The following G3BP1 variants were observed in gnomAD, a reference collection of about 807,000 sequenced individuals.
G3BP1 encodes the protein ras GTPase-activating protein-binding protein 1.
G3BP1 carries 35 observed loss-of-function variants against 58.6 expected under a neutral mutation model. The ratio of observed to expected loss-of-function variants is 0.60; its 90% confidence interval spans 0.46 to 0.79. The LOEUF is 0.79. Ranked by LOEUF, G3BP1 falls within the 30% of genes least tolerant of loss-of-function variation. The probability of loss-of-function intolerance (pLI) is 0.00; values close to 1 mark genes in which losing one functional copy is unlikely to be tolerated. For missense variants in G3BP1, 523 were observed against 580.8 expected (o/e 0.90, Z 1.02); for synonymous variants, 191 against 195.4 (o/e 0.98, Z 0.19).
chr5:151,772,724 G>A (rs1347426048), intron 1 of G3BP1: 1 of 152,288 alleles, frequency 6.6e-6, no homozygotes, highest in Admixed American at 6.5e-5. Flanking sequence ...TGGAGAGCGG[G>A]GTCACAGGCA....
rs1762948906 is a variant in G3BP1, at chr5:151,807,150, T to C, written c.*3059T>C. 6.6e-6 allele frequency: 1 copy of C among 152,238 alleles called. No homozygotes were observed. Among genetic ancestry groups the C allele is most frequent in the Non-Finnish European group, 1.5e-5 (1 of 68,046 alleles). The allele number at this position is 152,238 out of a possible 1,614,324, so 9.4% of individuals were successfully genotyped here. On this transcript the variant is annotated 3_prime_UTR_variant, in exon 12 of 12. Transcript: ENST00000356245. ...ATAATAATTTGACTTTGGTTGAGTA[T>C]GTCATTACCACAGTGTTAGTTGAAT...
Position 151,810,748 on chromosome 5 carries a change from G to A in G3BP1, c.*6657G>A, listed in dbSNP as rs1258824314. ...TATATTTCTGTTTTCATTCCCAAGG[G>A]AGGCCATGTCTGGAGATAGACCTTG... On this transcript the variant is annotated 3_prime_UTR_variant, in exon 12 of 12. Transcript: ENST00000356245. 2.6e-5 allele frequency: 4 copies of A among 152,090 alleles called. No individual in the cohort carries two copies. Among genetic ancestry groups the A allele is most frequent in the Non-Finnish European group, 5.9e-5 (4 of 68,042 alleles). 9.4% of individuals were successfully genotyped at this position (152,090 alleles called of 1,614,324 possible).
rs561978002 is a variant in G3BP1, at chr5:151,794,297, G to T, written c.442+48G>T. On this transcript the variant is annotated intron_variant, in intron 5 of 11. Transcript: ENST00000356245. Reference sequence around the variant, plus strand: ...TTACTTGTCTAAATTTTTTTTAATGGCATCCGATTGCCCTTAAGAGACTAT... The same window carrying T: ...TTACTTGTCTAAATTTTTTTTAATGTCATCCGATTGCCCTTAAGAGACTAT... 5.5e-4 allele frequency: 536 copies of T among 981,068 alleles called. 7 individuals carry two copies. In the South Asian group the frequency reaches 6.7e-3, roughly 12 times the overall value. 60.8% of individuals were successfully genotyped at this position (981,068 alleles called of 1,614,324 possible).
chr5:151,786,790 C>A, intron 2 of G3BP1, 75 bp downstream of exon 2: 1 of 892,266 alleles, frequency 1.1e-6, no homozygotes, highest in South Asian at 1.3e-5. Context: ...TTCTCCCACT[C>A]ATCATCTTAT....
chr5:151,789,777 C>T (rs539218713), intron 2 of G3BP1, among the ~76,000 whole-genome samples: 3 of 152,292 alleles, frequency 2.0e-5, no homozygotes, highest in South Asian at 2.1e-4. Context: ...ACAGTATCAT[C>T]CTACACTGAA....
intron 6 of G3BP1, among the ~76,000 whole-genome samples, chr5:151,796,949 T>C (rs1369782371): frequency 7.3e-6 from 1 of 136,568 alleles, no homozygotes; most frequent in African/African-American, 2.8e-5. Context: ...TGAATTGTAA[T>C]AGTTGTGGGA....
At chr5:151,793,953 G>GC (rs780757868) in intron 4 of G3BP1, among the ~76,000 whole-genome samples, 1 of 152,050 alleles carries the variant, frequency 6.6e-6, no homozygotes, top group Non-Finnish European at 1.5e-5. Flanking sequence ...TGTCAAGGCT[G>GC]CAGTGAGCTG....
At chr5:151,795,412 T>G in intron 5 of G3BP1, 67 bp from the exon 6 acceptor site, 1 of 797,836 alleles carries the variant, frequency 1.3e-6, no homozygotes, top group East Asian at 2.5e-5. Flanking sequence ...TTGTGAACAT[T>G]GCGAAAGTTA....
At chr5:151,776,842 C>A (rs1357003563) in intron 1 of G3BP1, among the ~76,000 whole-genome samples, 2 of 150,580 alleles carry the variant, frequency 1.3e-5, no homozygotes, top group South Asian at 4.2e-4. Flanking sequence ...GCTGGGATTA[C>A]AGGTGTGAGC....
rs1044550913 is a variant in G3BP1 at position 151,809,810 on chromosome 5, C to A, written c.*5719C>A. On this transcript the variant is annotated 3_prime_UTR_variant, in exon 12 of 12. Coordinates refer to ENST00000356245, the MANE Select transcript of G3BP1 (RefSeq NM_005754.3). ...CACTTTTTGTATGTTCACCCAGTTG[C>A]TTCTGTAGTTTTCATACCCCTGTTT... 1 of 152,192 alleles carries A rather than the reference C, an allele frequency of 6.6e-6. No individual in the cohort carries two copies. Among genetic ancestry groups the A allele is most frequent in the African/African-American group, 2.4e-5 (1 of 41,442 alleles). 9.4% of individuals were successfully genotyped at this position (152,192 alleles called of 1,614,324 possible).
rs919377260 is a variant in G3BP1, at chr5:151,808,876, G to A, written c.*4785G>A. On this transcript the variant is annotated 3_prime_UTR_variant, in exon 12 of 12. Coordinates refer to ENST00000356245, the MANE Select transcript of G3BP1 (RefSeq NM_005754.3). ...GATAGAAACAGTTTTAACTATTGCT[G>A]AAGTTAAAATCACTTTGGGGTGGGG... is the stretch of plus-strand genomic sequence containing the variant. 2.0e-5 allele frequency: 3 copies of A among 152,162 alleles called. No individual in the cohort carries two copies. The highest frequency in any genetic ancestry group is 7.2e-5 in the African/African-American group (3 of 41,436). 9.4% of individuals were successfully genotyped at this position (152,162 alleles called of 1,614,324 possible). A position where few individuals can be genotyped will look rare whatever the true frequency, so the allele number is the denominator to read the frequency against.
At chr5:151,787,683 G>T in intron 2 of G3BP1, 1 of 216,346 alleles carries the variant, frequency 4.6e-6, no homozygotes, top group Non-Finnish European at 9.8e-6. Flanking sequence ...TATTTATGTG[G>T]ACTTGTTAGA....
Position 151,803,953 on chromosome 5 carries a change from C to A in G3BP1, c.1263C>A (p.Gly421=). ...EEKKTRAARE[G]DRRDNRLRGP... is the part of the protein sequence containing the mutation. ...AGAAGACTCGAGCTGCCAGGGAAGG[C>A]GACCGACGAGATAATCGCCTTCGGG... Residue 421 remains glycine, a synonymous_variant, in exon 12 of 12, where the codon GGC becomes GGA. Transcript: ENST00000356245. 3 of 1,613,722 alleles carry A rather than the reference C, an allele frequency of 1.9e-6. No individual in the cohort carries two copies. The highest frequency in any genetic ancestry group is 2.5e-6 in the Non-Finnish European group (3 of 1,179,694).
intron 5 of G3BP1, 44 bp downstream of exon 5, chr5:151,794,293 A>T: frequency 9.1e-7 from 1 of 1,099,900 alleles, no homozygotes; most frequent in Non-Finnish European, 1.4e-6. Flanking sequence ...AATTTTTTTT[A>T]ATGGCATCCG....
Position 151,805,084 on chromosome 5 carries a change from T to A in G3BP1, c.*993T>A, listed in dbSNP as rs1437404175. 6.6e-6 allele frequency: 1 copy of A among 152,650 alleles called. No homozygotes were observed. The highest frequency in any genetic ancestry group is 1.5e-5 in the Non-Finnish European group (1 of 68,032). 9.5% of individuals were successfully genotyped at this position (152,650 alleles called of 1,614,324 possible). ...CTGGAATGCCTTTGAAGACAGATGC[T>A]TCTATAGAGGTTCTTTGACCTAAAT... On this transcript the variant is annotated 3_prime_UTR_variant, in exon 12 of 12. Transcript: ENST00000356245.
At chr5:151,799,443 T>C (rs1242733979) in intron 8 of G3BP1, 130 bp downstream of exon 8, 12 of 636,926 alleles carry the variant, frequency 1.9e-5, no homozygotes, top group Non-Finnish European at 2.5e-5. Context: ...CCCAGCACTT[T>C]AGGAGGCTGA....
intron 8 of G3BP1, 115 bp downstream of exon 8, chr5:151,799,428 G>A: frequency 3.0e-6 from 2 of 665,304 alleles, no homozygotes; most frequent in South Asian, 3.4e-5. Flanking sequence ...GCTCATGCCT[G>A]TAATCCCAGC....
chr5:151,791,272 C>T (rs950677619), intron 4 of G3BP1: 2 of 421,850 alleles, frequency 4.7e-6, no homozygotes, highest in African/African-American at 3.9e-5. Context: ...GTTTAGTGGG[C>T]ATTTCCTAAG....
At chr5:151,790,814 T>G in intron 3 of G3BP1, 75 bp from the exon 4 acceptor site, 1 of 826,328 alleles carries the variant, frequency 1.2e-6, no homozygotes, top group Non-Finnish European at 1.9e-6. Context: ...TGTTGGAAGG[T>G]TTTTTTTAGT....
Sources: gnomAD v4.1 joint callset for allele counts (sites outside exome capture counted in the v4.1 genomes callset) on GRCh38, gnomAD v4.1.1 for gene constraint, MANE v1.5 for transcripts, NCBI Gene and HGNC (gene_info 2026-07-23, HGNC 2026-07-21) for gene names.